Variants in LRP6 observed in about 807,000 individuals in gnomAD.
The protein encoded by LRP6 is LDL receptor related protein 6, also known as low-density lipoprotein receptor-related protein 6.
Under a neutral mutation model 184.1 loss-of-function variants are expected in LRP6, and 43 were observed. That is an observed-to-expected ratio of 0.23 (90% confidence interval 0.18 to 0.30). LRP6 has a LOEUF of 0.30. Among genes scored for constraint, LRP6 ranks in the 10% least tolerant of loss-of-function variants. The probability of loss-of-function intolerance (pLI) is 1.00; values close to 1 mark genes in which losing one functional copy is unlikely to be tolerated. For missense variants in LRP6, 1,571 were observed against 2,005.3 expected (o/e 0.78, Z 4.14); for synonymous variants, 719 against 684.9 (o/e 1.05, Z -0.78).
intron 1 of LRP6, among the ~76,000 whole-genome samples, chr12:12,245,672 T>C (rs1247519293): frequency 6.6e-6 from 1 of 152,192 alleles, no homozygotes; most frequent in Non-Finnish European, 1.5e-5. Context: ...AAAATGACCT[T>C]TGAAAAGACC....
chr12:12,234,293 A>G (rs1339104974), intron 2 of LRP6, among the ~76,000 whole-genome samples: 2 of 152,020 alleles, frequency 1.3e-5, no homozygotes, highest in Admixed American at 1.3e-4. Context: ...ATCTCAAAAA[A>G]AAAAAAATTA....
chr12:12,251,306 A>C (rs1466526903), intron 1 of LRP6, among the ~76,000 whole-genome samples: 2 of 152,082 alleles, frequency 1.3e-5, no homozygotes, highest in Non-Finnish European at 2.9e-5. Flanking sequence ...GTTACGTAAA[A>C]CTAGATTTTA....
At chr12:12,155,541 A>T (rs762200811) in intron 12 of LRP6, 2 of 741,068 alleles carry the variant, frequency 2.7e-6, no homozygotes, top group Non-Finnish European at 4.9e-6. Context: ...ATGCATATTC[A>T]GCACGTTAAG....
intron 2 of LRP6, among the ~76,000 whole-genome samples, chr12:12,230,350 C>T (rs888604598): frequency 2.0e-5 from 3 of 152,112 alleles, no homozygotes; most frequent in African/African-American, 7.2e-5. Context: ...AAAATATTCA[C>T]AAGCCCTAAT....
At chr12:12,194,192 C>T (rs983221151) in intron 3 of LRP6, among the ~76,000 whole-genome samples, 1 of 152,008 alleles carries the variant, frequency 6.6e-6, no homozygotes, top group Non-Finnish European at 1.5e-5. Flanking sequence ...GGAACTTCCT[C>T]AACCTGATAA....
intron 2 of LRP6, 57 bp from the exon 3 acceptor site, chr12:12,203,457 T>A: frequency 7.3e-7 from 1 of 1,378,862 alleles, no homozygotes; most frequent in Non-Finnish European, 1.0e-6. Context: ...TCAAATACTC[T>A]GTAATTATTA....
rs570076045 is a variant in LRP6, at chr12:12,203,048, T to C, written c.647+155A>G. Among the ~76,000 whole-genome samples, 4 of 152,352 alleles carry C rather than the reference T, an allele frequency of 2.6e-5. No homozygotes were observed. The East Asian group carries it at 7.7e-4, about 29-fold the overall frequency. On this transcript the variant is annotated intron_variant, in intron 3 of 22. Coordinates refer to ENST00000261349, the MANE Select transcript of LRP6 (RefSeq NM_002336.3). ...GATGGATGATAAATGTAATTACTTT[T>C]AAAGCACTTTTAAAGAGCTAACTAA...
Position 12,186,970 on chromosome 12 carries a change from A to G in LRP6, c.797T>C (p.Phe266Ser). Reference sequence around the variant, plus strand: ...GAAGGCATGTATATCCATGGGAGAGAAGATGTCAGAATGGATTTCACGCAG... The same window carrying G: ...GAAGGCATGTATATCCATGGGAGAGGAGATGTCAGAATGGATTTCACGCAG... ...EGLREIHSDI[F>S]SPMDIHAFSQ... Residue 266 changes from phenylalanine (F) to serine (S), a missense_variant, in exon 4 of 23, where the codon TTC becomes TCC. By Grantham distance (155) the Phe-to-Ser change is radical. Around this residue, in one of 4 missense-constraint regions of LRP6, gnomAD observed 640 missense variants for 851.9 expected, o/e 0.75. Coordinates refer to ENST00000261349, the MANE Select transcript of LRP6 (RefSeq NM_002336.3). The G allele has an allele frequency of 6.2e-7, 1 of 1,614,094 alleles. No homozygotes were observed. Among genetic ancestry groups the G allele is most frequent in the Non-Finnish European group, 8.5e-7 (1 of 1,179,998 alleles).
chr12:12,140,917 T>A (rs1949925243), intron 15 of LRP6, among the ~76,000 whole-genome samples: 1 of 151,882 alleles, frequency 6.6e-6, no homozygotes, highest in Non-Finnish European at 1.5e-5. Context: ...AAAAAATAAA[T>A]CTTAAAACAA....
rs1351098323 is a variant in LRP6, at chr12:12,159,897, G to A, written c.2347C>T (p.Arg783Cys). ...IDRAAMDGSE[R>C]TTLVPNVGRA... is the part of the protein sequence containing the mutation. ...CCCACATTTGGAACTAAGGTAGTAC[G>A]TTCACTTCCATCCATTGCAGCTCTG... The change falls in exon 11 of 23, where the codon CGT becomes TGT. Residue 783 changes from arginine to cysteine, a missense_variant. Around this residue, in one of 4 missense-constraint regions of LRP6, gnomAD observed 158 missense variants for 258.4 expected, o/e 0.61. Coordinates refer to ENST00000261349, the MANE Select transcript of LRP6 (RefSeq NM_002336.3). The A allele has an allele frequency of 8.1e-6, 13 of 1,613,814 alleles. 1 individual carries two copies. The highest frequency in any genetic ancestry group is 6.7e-5 in the East Asian group (3 of 44,878).
chr12:12,254,637 C>T (rs1865417148), intron 1 of LRP6, among the ~76,000 whole-genome samples: 1 of 152,196 alleles, frequency 6.6e-6, no homozygotes, highest in Admixed American at 6.5e-5. Context: ...GGAAACATTA[C>T]TTATGCAACC....
Position 12,116,240 on chromosome 12 carries a change from C to T in LRP6, c.*4886G>A, listed in dbSNP as rs1424112804. 2 of 152,234 alleles carry T rather than the reference C, an allele frequency of 1.3e-5. No individual in the cohort carries two copies. Among genetic ancestry groups the T allele is most frequent in the African/African-American group, 2.4e-5 (1 of 41,532 alleles). The allele number at this position is 152,234 out of a possible 1,614,324, so 9.4% of individuals were successfully genotyped here. A position where few individuals can be genotyped will look rare whatever the true frequency, so the allele number is the denominator to read the frequency against. ...TAAATACATCCTTGCAAAGCACCAT[C>T]GTACCAAAGTCAATGAACAAGAAAC... On this transcript the variant is annotated 3_prime_UTR_variant, in exon 23 of 23. Transcript: ENST00000261349.
Position 12,131,893 on chromosome 12 carries a change from A to T in LRP6, c.3898T>A (p.Cys1300Ser). 1 of 1,614,212 alleles carries T rather than the reference A, an allele frequency of 6.2e-7. No individual in the cohort carries two copies. Among genetic ancestry groups the T allele is most frequent in the Non-Finnish European group, 8.5e-7 (1 of 1,180,020 alleles). Residue 1300 changes from cysteine to serine, a missense_variant, in exon 18 of 23, where the codon TGT (cysteine) becomes AGT (serine). This residue lies in a region of LRP6 where 763 missense variants were observed against 859.5 expected (regional missense o/e 0.89). Coordinates refer to ENST00000261349, the MANE Select transcript of LRP6 (RefSeq NM_002336.3). ...ESQFQCASGQCIDGALRCNGD... is the reference protein window; with the variant it reads ...ESQFQCASGQSIDGALRCNGD... ...TTGCATCGGAGGGCACCATCAATAC[A>T]CTGCCCACTGGCACACTGGAACTGG... is the stretch of plus-strand genomic sequence containing the variant.
At chr12:12,160,390 AC>A (rs1862710281) in intron 10 of LRP6, among the ~76,000 whole-genome samples, 1 of 152,370 alleles carries the variant, frequency 6.6e-6, no homozygotes, top group East Asian at 1.9e-4. Flanking sequence ...TGCTGAACTT[AC>A]TTTTTGACTT....
intron 2 of LRP6, among the ~76,000 whole-genome samples, chr12:12,221,024 T>C (rs899248429): frequency 1.3e-5 from 2 of 152,336 alleles, no homozygotes; most frequent in Middle Eastern, 3.4e-3. Flanking sequence ...ACAAGTGGCA[T>C]GTTTGCAGTC....
intron 3 of LRP6, among the ~76,000 whole-genome samples, chr12:12,194,219 A>G (rs1179080049): frequency 6.6e-6 from 1 of 152,102 alleles, no homozygotes; most frequent in East Asian, 1.9e-4. Flanking sequence ...TTTATTAAAA[A>G]AACCTACAGG....
chr12:12,266,280 GA>G (rs927892384), intron 1 of LRP6, among the ~76,000 whole-genome samples: 10 of 152,114 alleles, frequency 6.6e-5, no homozygotes, highest in African/African-American at 2.4e-4. Context: ...GGCTTCGATG[GA>G]TAAGGCCAAC....
Position 12,203,307 on chromosome 12 carries a change from A to C in LRP6, c.543T>G (p.Ile181Met), listed in dbSNP as rs1565642841. 6 of 1,614,070 alleles carry C rather than the reference A, an allele frequency of 3.7e-6. No homozygotes were observed. The highest frequency in any genetic ancestry group is 5.1e-6 in the Non-Finnish European group (6 of 1,179,960). Reference sequence around the variant, plus strand: ...CCAAAGTCAGTCCATTTGGCCAGTAAATTTCACTGTTTATTATAATGAAGC... The same window carrying C: ...CCAAAGTCAGTCCATTTGGCCAGTACATTTCACTGTTTATTATAATGAAGC... ...SSRFIIINSE[I>M]YWPNGLTLDY... Residue 181 changes from isoleucine to methionine, a missense_variant, in exon 3 of 23, where the codon ATT (isoleucine) becomes ATG (methionine). Around this residue, in one of 4 missense-constraint regions of LRP6, gnomAD observed 640 missense variants for 851.9 expected, o/e 0.75. Coordinates refer to ENST00000261349, the MANE Select transcript of LRP6 (RefSeq NM_002336.3).
chr12:12,235,512 C>T (rs1864909396), intron 2 of LRP6, among the ~76,000 whole-genome samples: 1 of 152,062 alleles, frequency 6.6e-6, no homozygotes, highest in Non-Finnish European at 1.5e-5. Context: ...AGGCGGATCA[C>T]CTGAGGTTGG....
Sources: allele counts gnomAD v4.1 joint callset (sites outside exome capture counted in the v4.1 genomes callset), GRCh38; gene constraint gnomAD v4.1.1; regional missense constraint gnomAD v4.1.1; transcripts MANE v1.5; gene names NCBI Gene and HGNC (gene_info 2026-07-23, HGNC 2026-07-21).